Variants in RNLS observed in about 807,000 individuals in gnomAD.
RNLS encodes renalase.
RNLS carries 39 observed loss-of-function variants against 39.8 expected under a neutral mutation model. The observed-to-expected ratio is 0.98, with a 90% CI of 0.76 to 1.28. The LOEUF is 1.28. Ranked by LOEUF, RNLS falls within the 50% of genes most tolerant of loss-of-function variation. RNLS has a pLI of 0.00. For missense variants in RNLS, 410 were observed against 413.3 expected (o/e 0.99, Z 0.07); for synonymous variants, 147 against 150.7 (o/e 0.98, Z 0.18).
intron 6 of RNLS, among the ~76,000 whole-genome samples, chr10:88,310,931 AAGCTTACTATGCT>A (rs1845336889): frequency 6.6e-6 from 1 of 152,082 alleles, no homozygotes; most frequent in Non-Finnish European, 1.5e-5. Context: ...TGTACTGTAC[AAGCTTACTATGCT>A]AGTCCACATC....
At chr10:88,513,157 C>G (rs751610057) in intron 4 of RNLS, among the ~76,000 whole-genome samples, 28 of 152,160 alleles carry the variant, frequency 1.8e-4, no homozygotes, top group Non-Finnish European at 3.5e-4. Flanking sequence ...TATATTTTTT[C>G]CCAATTTTTT....
At chr10:88,383,210 T>A (rs1851658639) in intron 4 of RNLS, among the ~76,000 whole-genome samples, 1 of 152,066 alleles carries the variant, frequency 6.6e-6, no homozygotes, top group South Asian at 2.1e-4. Context: ...AATTGCTAAG[T>A]AGTAGTAACA....
At chr10:88,301,972 C>A (rs969064620) in intron 6 of RNLS, among the ~76,000 whole-genome samples, 1 of 152,182 alleles carries the variant, frequency 6.6e-6, no homozygotes, top group Non-Finnish European at 1.5e-5. Flanking sequence ...AGCACTGTCA[C>A]CTCATCTCCT....
intron 6 of RNLS, among the ~76,000 whole-genome samples, chr10:88,293,698 A>G (rs1564667907): frequency 6.6e-6 from 1 of 152,096 alleles, no homozygotes; most frequent in Non-Finnish European, 1.5e-5. Flanking sequence ...TCCATGAAAA[A>G]AAAAATGCTT....
chr10:88,455,179 T>C (rs961342424), intron 4 of RNLS, among the ~76,000 whole-genome samples: 2 of 152,066 alleles, frequency 1.3e-5, no homozygotes, highest in Non-Finnish European at 2.9e-5. Flanking sequence ...CAGCCAGCCT[T>C]AGGAAGAAGG....
intron 6 of RNLS, among the ~76,000 whole-genome samples, chr10:88,302,921 G>A (rs1329345142): frequency 1.3e-5 from 2 of 152,204 alleles, no homozygotes; most frequent in Non-Finnish European, 2.9e-5. Flanking sequence ...GGCTCCCACT[G>A]AGGGACCAAG....
At chr10:88,521,638 CAAT>C (rs1292654431) in intron 4 of RNLS, among the ~76,000 whole-genome samples, 1 of 151,932 alleles carries the variant, frequency 6.6e-6, no homozygotes, top group Non-Finnish European at 1.5e-5. Flanking sequence ...ATTTGAAAGA[CAAT>C]AAAATGTACT....
At chr10:88,528,602 T>C (rs1847242632) in intron 4 of RNLS, among the ~76,000 whole-genome samples, 1 of 151,762 alleles carries the variant, frequency 6.6e-6, no homozygotes, top group Non-Finnish European at 1.5e-5. Context: ...TCCCAGCACT[T>C]TGGGAGGCCG....
chr10:88,278,827 G>C (rs991728673), intron 6 of RNLS, among the ~76,000 whole-genome samples: 9 of 152,156 alleles, frequency 5.9e-5, no homozygotes, highest in Non-Finnish European at 1.2e-4. Flanking sequence ...TAAGGATGAG[G>C]TTAGTACATT....
intron 4 of RNLS, among the ~76,000 whole-genome samples, chr10:88,483,202 T>C (rs1446286649): frequency 1.3e-5 from 2 of 152,134 alleles, no homozygotes; most frequent in East Asian, 3.8e-4. Flanking sequence ...AAGGATAAAG[T>C]TTATCAGATT....
At chr10:88,514,469 C>T (rs757042998) in intron 4 of RNLS, among the ~76,000 whole-genome samples, 15 of 152,020 alleles carry the variant, frequency 9.9e-5, no homozygotes, top group South Asian at 4.1e-4. Flanking sequence ...ATGTACAATA[C>T]AATATTGTTA....
chr10:88,507,158 T>C (rs1028592090), intron 4 of RNLS, among the ~76,000 whole-genome samples: 5 of 152,142 alleles, frequency 3.3e-5, no homozygotes, highest in African/African-American at 9.7e-5. Context: ...AGAATAATGA[T>C]ACATATTTAC....
the RNLS span, among the ~76,000 whole-genome samples, chr10:88,265,960 A>G: frequency 2.0e-5 from 3 of 152,120 alleles, no homozygotes; most frequent in African/African-American, 7.2e-5. Context: ...CCTTTCCTTC[A>G]TCTCCCCAGC....
At chr10:88,177,380 T>C in the RNLS span, among the ~76,000 whole-genome samples, 1 of 152,194 alleles carries the variant, frequency 6.6e-6, no homozygotes, top group Admixed American at 6.5e-5. Context: ...AATGCTTAAT[T>C]GTATTTTTTA....
chr10:88,512,438 T>C (rs190931990), intron 4 of RNLS, among the ~76,000 whole-genome samples: 42 of 152,270 alleles, frequency 2.8e-4, no homozygotes, highest in African/African-American at 9.1e-4. Flanking sequence ...ATATTTCTTA[T>C]TCATTACTTC....
At chr10:88,350,059 G>T (rs792224) in intron 5 of RNLS, among the ~76,000 whole-genome samples, 9 of 151,976 alleles carry the variant, frequency 5.9e-5, no homozygotes, top group South Asian at 2.1e-4. Flanking sequence ...AGCCCAAACG[G>T]GAAACCTGAC....
At chr10:88,222,217 C>T in the RNLS span, among the ~76,000 whole-genome samples, 166 of 152,256 alleles carry the variant, frequency 1.1e-3, no homozygotes, top group African/African-American at 3.6e-3. Context: ...CAGCTTGGCT[C>T]GTCCTAGGAT....
intron 4 of RNLS, among the ~76,000 whole-genome samples, chr10:88,543,216 C>T (rs1848134667): frequency 6.6e-6 from 1 of 152,112 alleles, no homozygotes; most frequent in African/African-American, 2.4e-5. Flanking sequence ...GATATTGCTG[C>T]CAGCCTCTTT....
In RNLS at chr10:88,439,035, C is replaced by A. The variant is rs182938274; in HGVS notation, c.527-76310G>T. On this transcript the variant is annotated intron_variant, in intron 4 of 6. Coordinates refer to ENST00000331772, the MANE Select transcript of RNLS (RefSeq NM_001031709.3). ...GCAAAAGTGAACTTGTACTGATACA[C>A]ACAGGTCAATCCAACATATTCTCAT... Among the ~76,000 whole-genome samples the A allele has an allele frequency of 9.2e-5, 14 of 152,302 alleles. No homozygotes were observed. In the East Asian group the frequency reaches 2.1e-3, roughly 23 times the overall value.
Sources: allele counts gnomAD v4.1 joint callset (sites outside exome capture counted in the v4.1 genomes callset), GRCh38; gene constraint gnomAD v4.1.1; transcripts MANE v1.5; gene names NCBI Gene and HGNC (gene_info 2026-07-23, HGNC 2026-07-21).